The following MEDAG variants were observed in gnomAD, a reference collection of about 807,000 sequenced individuals.
MEDAG encodes mesenteric estrogen-dependent adipogenesis protein.
Under a neutral mutation model 29.9 loss-of-function variants are expected in MEDAG, and 25 were observed. The ratio of observed to expected loss-of-function variants is 0.84; its 90% CI spans 0.61 to 1.17. The LOEUF (loss-of-function observed/expected upper bound fraction) is 1.17. MEDAG is among the 50% of genes most tolerant of loss of function. MEDAG has a pLI of 0.00. For missense variants in MEDAG, 398 were observed against 372.9 expected (o/e 1.07, Z -0.56); for synonymous variants, 158 against 148.2 (o/e 1.07, Z -0.48).
In MEDAG at chr13:30,906,289, C is replaced by T. The variant is rs1026303003; in HGVS notation, c.-227C>T. Reference sequence around the variant, plus strand: ...CGGGGCCGCTTTCTCCGCGCGGTGCCTGCAGGGCTCCCAGCGAGTGGCAGC... The same window carrying T: ...CGGGGCCGCTTTCTCCGCGCGGTGCTTGCAGGGCTCCCAGCGAGTGGCAGC... On this transcript the variant is annotated 5_prime_UTR_variant, in exon 1 of 5. Coordinates refer to ENST00000380482, the MANE Select transcript of MEDAG (RefSeq NM_032849.4). 1.2e-5 allele frequency: 5 copies of T among 408,626 alleles called. No individual in the cohort carries two copies. The highest frequency in any genetic ancestry group is 2.1e-5 in the Non-Finnish European group (5 of 235,010). The allele number at this position is 408,626 out of a possible 1,614,324, so 25.3% of individuals were successfully genotyped here.
intron 2 of MEDAG, among the ~76,000 whole-genome samples, chr13:30,918,081 A>G (rs1244722767): frequency 6.6e-6 from 1 of 152,162 alleles, no homozygotes; most frequent in East Asian, 1.9e-4. Context: ...CCTAGGGCAG[A>G]AGCCACCTGT....
chr13:30,917,688 A>C (rs1952942950), intron 2 of MEDAG, among the ~76,000 whole-genome samples, 176 bp downstream of exon 2: 1 of 152,174 alleles, frequency 6.6e-6, no homozygotes, highest in African/African-American at 2.4e-5. Context: ...GAAAGCAGGC[A>C]CGTCTTACAT....
At chr13:30,921,902 A>C (rs560648437) in intron 4 of MEDAG, 56 bp downstream of exon 4, 2 of 1,500,790 alleles carry the variant, frequency 1.3e-6, no homozygotes, top group East Asian at 4.6e-5. Flanking sequence ...AGGGTAGAGT[A>C]AAATAATGGA....
rs1369639897 is a variant in MEDAG at position 30,925,532 on chromosome 13, C to A, written c.*1097C>A. ...TTTGCACAATTAAAACTTTTCTTAGCATTCAACCTAGAATTGATTAAATTT... is the reference window on the plus strand; with the variant it reads ...TTTGCACAATTAAAACTTTTCTTAGAATTCAACCTAGAATTGATTAAATTT... On this transcript the variant is annotated 3_prime_UTR_variant, in exon 5 of 5. Coordinates refer to ENST00000380482, the MANE Select transcript of MEDAG (RefSeq NM_032849.4). The A allele has an allele frequency of 6.6e-6, 1 of 152,182 alleles. No individual in the cohort carries two copies. The highest frequency in any genetic ancestry group is 1.5e-5 in the Non-Finnish European group (1 of 68,030). 9.4% of individuals were successfully genotyped at this position (152,182 alleles called of 1,614,324 possible). A position where few individuals can be genotyped will look rare whatever the true frequency, so the allele number is the denominator to read the frequency against.
At position 30,906,384 on chromosome 13, in the gene MEDAG, C is replaced by T; in HGVS notation, c.-132C>T. 3 of 1,004,506 alleles carry T rather than the reference C, an allele frequency of 3.0e-6. No homozygotes were observed. Among genetic ancestry groups the T allele is most frequent in the Non-Finnish European group, 3.9e-6 (3 of 760,950 alleles). The allele number at this position is 1,004,506 out of a possible 1,614,324, so 62.2% of individuals were successfully genotyped here. On this transcript the variant is annotated 5_prime_UTR_variant, in exon 1 of 5. Coordinates refer to ENST00000380482, the MANE Select transcript of MEDAG (RefSeq NM_032849.4). Reference sequence around the variant, plus strand: ...ACCGCGTCCCGGCCAGGCGGGCAGACCGACCCCCTCCTCACCTCGCGCGCG... The same window carrying T: ...ACCGCGTCCCGGCCAGGCGGGCAGATCGACCCCCTCCTCACCTCGCGCGCG...
chr13:30,921,216 C>G (rs1173572749), intron 3 of MEDAG, 90 bp downstream of exon 3: 1 of 1,121,802 alleles, frequency 8.9e-7, no homozygotes, highest in African/African-American at 1.6e-5. Context: ...ATTGCCCTGG[C>G]TTAGGCCAAG....
intron 1 of MEDAG, among the ~76,000 whole-genome samples, chr13:30,914,044 AAAAC>A (rs1341651384): frequency 3.3e-5 from 5 of 152,212 alleles, no homozygotes; most frequent in African/African-American, 9.6e-5. Flanking sequence ...TCCATCTCAA[AAAAC>A]AAACAAACGA....
Position 30,906,408 on chromosome 13 carries a change from C to A in MEDAG, c.-108C>A. 6.5e-6 allele frequency: 8 copies of A among 1,222,008 alleles called. No individual in the cohort carries two copies. The highest frequency in any genetic ancestry group is 8.5e-6 in the Non-Finnish European group (8 of 944,860). The allele number at this position is 1,222,008 out of a possible 1,614,324, so 75.7% of individuals were successfully genotyped here. ...ACCGACCCCCTCCTCACCTCGCGCGCGGCTGACGCAGGCAGGGCGCCCGGC... is the reference window on the plus strand; with the variant it reads ...ACCGACCCCCTCCTCACCTCGCGCGAGGCTGACGCAGGCAGGGCGCCCGGC... On this transcript the variant is annotated 5_prime_UTR_variant, in exon 1 of 5. Coordinates refer to ENST00000380482, the MANE Select transcript of MEDAG (RefSeq NM_032849.4).
At chr13:30,918,172 G>C (rs961663861) in intron 2 of MEDAG, among the ~76,000 whole-genome samples, 2 of 152,180 alleles carry the variant, frequency 1.3e-5, no homozygotes, top group African/African-American at 2.4e-5. Context: ...GAAATGACTA[G>C]AGTGATGAGG....
chr13:30,910,455 CAGATGTA>C (rs1212950506), intron 1 of MEDAG, among the ~76,000 whole-genome samples: 130 of 152,322 alleles, frequency 8.5e-4, no homozygotes, highest in Non-Finnish European at 1.3e-4. Flanking sequence ...CTCCTTTTTA[CAGATGTA>C]AGCATTAGGA....
rs1435898277 is a variant in MEDAG at position 30,906,770 on chromosome 13, C to T, written c.255C>T (p.Tyr85=). ...DGLVRLDGQL[Y]RLSSYIKRYV... ...TCGTGCGCCTCGACGGGCAGCTCTA[C>T]CGCCTCAGCAGCTACATCAAGAGGT... is the stretch of plus-strand genomic sequence containing the variant. Residue 85 remains tyrosine, a synonymous_variant, in exon 1 of 5, where the codon TAC becomes TAT. Coordinates refer to ENST00000380482, the MANE Select transcript of MEDAG (RefSeq NM_032849.4). The T allele has an allele frequency of 2.0e-6, 3 of 1,510,864 alleles. No homozygotes were observed. In the East Asian group the frequency reaches 7.6e-5, roughly 38 times the overall value. The allele number at this position is 1,510,864 out of a possible 1,614,324, so 93.6% of individuals were successfully genotyped here.
At chr13:30,915,020 C>G (rs1267110897) in intron 1 of MEDAG, among the ~76,000 whole-genome samples, 1 of 152,168 alleles carries the variant, frequency 6.6e-6, no homozygotes, top group Non-Finnish European at 1.5e-5. Context: ...GGAAACCTGC[C>G]TCGAATGGGT....
Position 30,917,522 on chromosome 13 carries a change from T to C in MEDAG, c.388+10T>C, listed in dbSNP as rs1234917344. The C allele has an allele frequency of 7.1e-7, 1 of 1,410,676 alleles. No individual in the cohort carries two copies. Among genetic ancestry groups the C allele is most frequent in the African/African-American group, 1.4e-5 (1 of 70,094 alleles). 87.4% of individuals were successfully genotyped at this position (1,410,676 alleles called of 1,614,324 possible). A position where few individuals can be genotyped will look rare whatever the true frequency, so the allele number is the denominator to read the frequency against. On this transcript the variant is annotated intron_variant, in intron 2 of 4. Transcript: ENST00000380482. ...AAAGACACCTCAAAAGGTAAGTATC[T>C]ATATTAGTCCATTTTCACACTGCTA...
chr13:30,916,754 A>G (rs1289840933), intron 1 of MEDAG: 1 of 152,344 alleles, frequency 6.6e-6, no homozygotes, highest in African/African-American at 2.4e-5. Flanking sequence ...TGGATGACAG[A>G]GTCAGGATTC....
chr13:30,906,831 G>T, intron 1 of MEDAG, 38 bp downstream of exon 1: 1 of 1,425,696 alleles, frequency 7.0e-7, no homozygotes, highest in African/African-American at 1.5e-5. Context: ...CCGTCGCCTG[G>T]TACCCGCAGA....
chr13:30,921,621 G>GA lies in MEDAG; in HGVS notation c.566dup (p.Asn189LysfsTer7). 1 of 1,612,982 alleles carries GA rather than the reference G, an allele frequency of 6.2e-7. No individual in the cohort carries two copies. The highest frequency in any genetic ancestry group is 1.1e-5 in the South Asian group (1 of 90,534). On this transcript the variant is annotated frameshift_variant, in exon 4 of 5. Coordinates refer to ENST00000380482, the MANE Select transcript of MEDAG (RefSeq NM_032849.4). LOFTEE classifies it high-confidence loss of function. ...CCCAGGAAATGAAGTGGTTAATGGA[G>GA]AAAATTTAAGCTTTGCATATGAATT...
chr13:30,920,155 G>T (rs1329769884), intron 2 of MEDAG, among the ~76,000 whole-genome samples: 1 of 152,208 alleles, frequency 6.6e-6, no homozygotes, highest in East Asian at 1.9e-4. Context: ...AGAATGTCTG[G>T]TCCCTGGAGA....
At chr13:30,916,869 A>G (rs1040143861) in intron 1 of MEDAG, 3 of 152,412 alleles carry the variant, frequency 2.0e-5, no homozygotes, top group African/African-American at 7.2e-5. Context: ...TAATTACACA[A>G]GTTCAGCGTA....
At position 30,921,291 on chromosome 13, in the gene MEDAG, C is replaced by T. The variant is rs1384263243; in HGVS notation, c.501+165C>T. Among the ~76,000 whole-genome samples the T allele has an allele frequency of 2.0e-5, 3 of 152,118 alleles. No homozygotes were observed. In the South Asian group the frequency reaches 6.2e-4, roughly 32 times the overall value. The stretch of plus-strand genomic sequence containing the variant: ...GTTCTCAAAGGTGGCATTATTGCTA[C>T]CAATAAAATGAGTTTAGTTCTTAGC... On this transcript the variant is annotated intron_variant, in intron 3 of 4. Transcript: ENST00000380482.
Sources: allele counts gnomAD v4.1 joint callset (sites outside exome capture counted in the v4.1 genomes callset), GRCh38; gene constraint gnomAD v4.1.1; transcripts MANE v1.5; gene names NCBI Gene and HGNC (gene_info 2026-07-23, HGNC 2026-07-21).